ADGRD1: variants seen among roughly 807,000 people sequenced by gnomAD.
The protein encoded by ADGRD1 is G-protein coupled receptor 133.
In ADGRD1, 77 loss-of-function variants were observed where a neutral mutation model predicts 113.4. The ratio of observed to expected loss-of-function variants is 0.68; its 90% confidence interval spans 0.57 to 0.82. The LOEUF (loss-of-function observed/expected upper bound fraction) is 0.82, where lower values mean the gene tolerates loss of function less well. Among genes scored for constraint, ADGRD1 ranks in the 40% least tolerant of loss-of-function variants. The pLI is 0.00. For synonymous variants in ADGRD1, 474 were observed against 475.0 expected (o/e 1.00, Z 0.03); for missense variants, 1,036 against 1,139.1 (o/e 0.91, Z 1.30).
At chr12:131,006,968 T>C (rs1043577984) in intron 12 of ADGRD1, among the ~76,000 whole-genome samples, 4 of 152,166 alleles carry the variant, frequency 2.6e-5, no homozygotes, top group African/African-American at 9.7e-5. Context: ...CTTTCCAAGA[T>C]AGTGAATGAA....
intron 6 of ADGRD1, 29 bp downstream of exon 6, chr12:130,987,378 T>TC: frequency 6.2e-7 from 1 of 1,612,080 alleles, no homozygotes; most frequent in Non-Finnish European, 8.5e-7. Flanking sequence ...CTGGGGCAGA[T>TC]CCGCTGTCTG....
At chr12:131,104,194 G>A (rs1415115237) in intron 15 of ADGRD1, among the ~76,000 whole-genome samples, 4 of 152,324 alleles carry the variant, frequency 2.6e-5, no homozygotes, top group South Asian at 2.1e-4. Context: ...GTGTGCAGGC[G>A]GCAGCCATTG....
intron 15 of ADGRD1, among the ~76,000 whole-genome samples, chr12:131,090,893 A>G (rs1452575938): frequency 1.3e-5 from 2 of 152,198 alleles, no homozygotes; most frequent in Non-Finnish European, 2.9e-5. Context: ...ACCGTGTACC[A>G]ATTTATTGCT....
chr12:131,107,998 A>C (rs1950270880), intron 17 of ADGRD1, among the ~76,000 whole-genome samples: 1 of 152,100 alleles, frequency 6.6e-6, no homozygotes, highest in Non-Finnish European at 1.5e-5. Context: ...ACCTGGACTC[A>C]CAGGGAGCAG....
chr12:130,963,773 A>G (rs1870696891), intron 2 of ADGRD1, among the ~76,000 whole-genome samples: 2 of 151,960 alleles, frequency 1.3e-5, no homozygotes. Flanking sequence ...GAGGTCTTTG[A>G]TCATATGTAT....
At chr12:131,038,636 G>A (rs1881795249) in intron 13 of ADGRD1, among the ~76,000 whole-genome samples, 1 of 152,204 alleles carries the variant, frequency 6.6e-6, no homozygotes, top group Admixed American at 6.5e-5. Context: ...CATCAGCACG[G>A]GCTGTTTCCT....
Position 131,135,692 on chromosome 12 carries a change from A to G in ADGRD1, c.2268-345A>G, listed in dbSNP as rs534405970. Among the ~76,000 whole-genome samples the G allele has an allele frequency of 6.7e-5, 10 of 149,038 alleles. No homozygotes were observed. The South Asian group carries it at 2.3e-3, about 34-fold the overall frequency. On this transcript the variant is annotated intron_variant, in intron 21 of 24. Coordinates refer to ENST00000261654, the MANE Select transcript of ADGRD1 (RefSeq NM_198827.5). ...ATGCTCTGCTGCTTCAGTCCCCCGA[A>G]TCTCTCCCCTCCGTCCTGGTTCCTC... is the stretch of plus-strand genomic sequence containing the variant.
intron 13 of ADGRD1, among the ~76,000 whole-genome samples, chr12:131,040,931 T>G (rs1882069420): frequency 6.6e-6 from 1 of 152,230 alleles, no homozygotes; most frequent in African/African-American, 2.4e-5. Flanking sequence ...ATTGCTAGCT[T>G]CTTCCTGAAA....
chr12:131,031,868 C>T (rs531904885), intron 13 of ADGRD1, among the ~76,000 whole-genome samples: 2 of 152,336 alleles, frequency 1.3e-5, no homozygotes, highest in South Asian at 2.1e-4. Context: ...GTCATTGCCT[C>T]GTCCCCGCAC....
chr12:131,124,266 C>T (rs909853144), intron 20 of ADGRD1, among the ~76,000 whole-genome samples: 1 of 152,118 alleles, frequency 6.6e-6, no homozygotes, highest in African/African-American at 2.4e-5. Flanking sequence ...TAGCATGACC[C>T]CATTTGTTTA....
intron 20 of ADGRD1, among the ~76,000 whole-genome samples, chr12:131,122,572 C>T (rs1950624973): frequency 6.6e-6 from 1 of 151,852 alleles, no homozygotes; most frequent in Admixed American, 6.5e-5. Flanking sequence ...GAGCGGACTC[C>T]AGTCATCAAA....
intron 17 of ADGRD1, 44 bp from the exon 18 acceptor site, chr12:131,108,680 C>T: frequency 6.2e-7 from 1 of 1,613,602 alleles, no homozygotes; most frequent in East Asian, 2.2e-5. Context: ...CGCCCAGGGC[C>T]CACCCCAGAG....
intron 13 of ADGRD1, among the ~76,000 whole-genome samples, chr12:131,061,572 A>C (rs1372759967): frequency 2.6e-5 from 4 of 152,184 alleles, no homozygotes; most frequent in African/African-American, 7.2e-5. Flanking sequence ...AAGTTGCAAA[A>C]ATAATTACAA....
intron 4 of ADGRD1, among the ~76,000 whole-genome samples, chr12:130,974,338 A>T (rs892584837): frequency 1.3e-5 from 2 of 152,230 alleles, no homozygotes; most frequent in Non-Finnish European, 2.9e-5. Context: ...TTATTTTAAT[A>T]TACTGGGCGC....
At chr12:131,012,128 GTA>G (rs1204924688) in intron 12 of ADGRD1, among the ~76,000 whole-genome samples, 1 of 152,102 alleles carries the variant, frequency 6.6e-6, no homozygotes, top group Admixed American at 6.6e-5. Context: ...GAATGTTTAT[GTA>G]CGTTCTGTAC....
intron 13 of ADGRD1, among the ~76,000 whole-genome samples, chr12:131,074,011 A>G (rs1323817277): frequency 6.6e-6 from 1 of 152,194 alleles, no homozygotes; most frequent in African/African-American, 2.4e-5. Flanking sequence ...CCCTAGCAAT[A>G]CTTACATAAA....
rs1168915778 is a variant in ADGRD1, at chr12:130,965,364, A to G, written c.104-1099A>G. The stretch of plus-strand genomic sequence containing the variant: ...ATCATTTGAAAATAATGATCTTATT[A>G]TCTCCTCTTTAAAAAGTATTTTTTT... On this transcript the variant is annotated intron_variant, in intron 2 of 24. Transcript: ENST00000261654. This position sits in a 1 kb window ranked among gnomAD's most constrained non-coding sequence, Gnocchi z 4.8. 6.6e-6 allele frequency among the ~76,000 whole-genome samples: 1 copy of G among 152,112 alleles called. No individual in the cohort carries two copies. The highest frequency in any genetic ancestry group is 1.9e-4 in the East Asian group (1 of 5,200).
intron 4 of ADGRD1, among the ~76,000 whole-genome samples, chr12:130,980,135 C>G (rs1417378839): frequency 2.0e-5 from 3 of 151,264 alleles, no homozygotes; most frequent in Non-Finnish European, 4.4e-5. Context: ...GACGGAGTCT[C>G]GCTCTGTCGC....
Position 131,139,331 on chromosome 12 carries a change from C to T in ADGRD1, c.*68C>T. ...CCCCCCCAAACAGAATGAAATGCCC[C>T]ACCTTTGCCCATGGACCCTCTCCTT... On this transcript the variant is annotated 3_prime_UTR_variant, in exon 25 of 25. Coordinates refer to ENST00000261654, the MANE Select transcript of ADGRD1 (RefSeq NM_198827.5). The T allele has an allele frequency of 9.1e-7, 1 of 1,097,332 alleles. No individual in the cohort carries two copies. Among genetic ancestry groups the T allele is most frequent in the South Asian group, 1.3e-5 (1 of 75,090 alleles). The allele number at this position is 1,097,332 out of a possible 1,614,324, so 68.0% of individuals were successfully genotyped here.
Sources: gnomAD v4.1 joint callset for allele counts (sites outside exome capture counted in the v4.1 genomes callset) on GRCh38, gnomAD v4.1.1 for gene constraint, Gnocchi (gnomAD v3.1) non-coding constraint, MANE v1.5 for transcripts, NCBI Gene and HGNC (gene_info 2026-07-23, HGNC 2026-07-21) for gene names.